The following KCNQ5 variants were observed in gnomAD, a reference collection of about 807,000 sequenced individuals.
KCNQ5 encodes the protein potassium voltage-gated channel subfamily KQT member 5.
A neutral mutation model predicts 98.2 loss-of-function variants in KCNQ5; 30 were observed. The observed-to-expected ratio is 0.31, with a 90% CI of 0.23 to 0.41. The LOEUF (loss-of-function observed/expected upper bound fraction) is 0.41, where lower values mean the gene tolerates loss of function less well. KCNQ5 is among the 10% of genes least tolerant of loss of function. The probability of loss-of-function intolerance (pLI) is 1.00; values close to 1 mark genes in which losing one functional copy is unlikely to be tolerated. For synonymous variants in KCNQ5, 458 were observed against 449.4 expected (o/e 1.02, Z -0.24); for missense variants, 835 against 1,182.5 (o/e 0.71, Z 4.31).
chr6:72,822,624 C>T (rs759358564), intron 1 of KCNQ5, among the ~76,000 whole-genome samples: 1 of 152,076 alleles, frequency 6.6e-6, no homozygotes, highest in Admixed American at 6.6e-5. Context: ...TAAGTTTTAT[C>T]TTCTGTCCAT....
At chr6:73,112,350 GTT>G (rs778086861) in intron 7 of KCNQ5, among the ~76,000 whole-genome samples, 1 of 143,582 alleles carries the variant, frequency 7.0e-6, no homozygotes, top group Non-Finnish European at 1.5e-5. Context: ...TGTTTGTTTT[GTT>G]TTTTTTTTTT....
intron 10 of KCNQ5, chr6:73,157,866 A>G (rs144643972): frequency 6.4e-6 from 5 of 778,692 alleles, no homozygotes; most frequent in Non-Finnish European, 1.2e-5. Flanking sequence ...GGTTTTCGGG[A>G]TCTAAGCGAA....
chr6:72,770,648 A>G (rs1772819809), intron 1 of KCNQ5, among the ~76,000 whole-genome samples: 1 of 152,138 alleles, frequency 6.6e-6, no homozygotes, highest in South Asian at 2.1e-4. Context: ...TTTATTTTCC[A>G]TACTTTTAGA....
chr6:72,817,026 G>A (rs535552849), intron 1 of KCNQ5, among the ~76,000 whole-genome samples: 2 of 152,166 alleles, frequency 1.3e-5, no homozygotes, highest in Non-Finnish European at 2.9e-5. Flanking sequence ...TCCAGGGACT[G>A]CTAGGTTACA....
In KCNQ5 at chr6:72,931,283, G is replaced by A. The variant is rs141777869; in HGVS notation, c.399-72625G>A. 2.7e-3 allele frequency among the ~76,000 whole-genome samples: 407 copies of A among 152,174 alleles called. 4 individuals carry two copies. Among genetic ancestry groups the A allele is most frequent in the East Asian group, 0.02 (105 of 5,182 alleles). ...ATTTGTCTCTCTGAATCTGTAGCATGTTGGCCAATATAGTATGATAATAAA... is the reference window on the plus strand; with the variant it reads ...ATTTGTCTCTCTGAATCTGTAGCATATTGGCCAATATAGTATGATAATAAA... On this transcript the variant is annotated intron_variant, in intron 1 of 13. Transcript: ENST00000370398.
At chr6:73,158,124 G>A (rs1053492488) in intron 10 of KCNQ5, 4 of 411,334 alleles carry the variant, frequency 9.7e-6, no homozygotes, top group African/African-American at 6.2e-5. Flanking sequence ...TCGCCCTCCC[G>A]CTACAGGTTG....
At chr6:73,109,632 A>C (rs1298758869) in intron 6 of KCNQ5, among the ~76,000 whole-genome samples, 2 of 152,224 alleles carry the variant, frequency 1.3e-5, no homozygotes, top group Non-Finnish European at 2.9e-5. Flanking sequence ...CATTTTTATA[A>C]CACCTAAATG....
At chr6:73,107,271 A>T (rs1022915471) in intron 6 of KCNQ5, among the ~76,000 whole-genome samples, 1 of 152,244 alleles carries the variant, frequency 6.6e-6, no homozygotes, top group Non-Finnish European at 1.5e-5. Flanking sequence ...CTGTCCTCAT[A>T]GGAGAGCCAC....
chr6:72,713,543 A>G (rs113572243), intron 1 of KCNQ5, among the ~76,000 whole-genome samples: 2,034 of 152,238 alleles, frequency 0.013, 33 homozygotes, highest in African/African-American at 0.042. Context: ...TGATCTCCTA[A>G]TAGTTCTGGT....
chr6:72,759,130 AC>A (rs1356913127), intron 1 of KCNQ5, among the ~76,000 whole-genome samples: 1 of 152,200 alleles, frequency 6.6e-6, no homozygotes, highest in Non-Finnish European at 1.5e-5. Flanking sequence ...CCTGTCTATC[AC>A]AGAGCAACCA....
chr6:73,182,782 A>G (rs1409246153), intron 11 of KCNQ5, among the ~76,000 whole-genome samples: 1 of 152,182 alleles, frequency 6.6e-6, no homozygotes, highest in Non-Finnish European at 1.5e-5. Context: ...TTTGCTCATG[A>G]TATACGTTGG....
intron 1 of KCNQ5, among the ~76,000 whole-genome samples, chr6:72,943,622 C>T (rs1347677773): frequency 3.3e-5 from 5 of 152,068 alleles, no homozygotes; most frequent in Non-Finnish European, 5.9e-5. Flanking sequence ...ACCTTTTCAG[C>T]GCATTCATTT....
In KCNQ5 at chr6:73,004,051, T is replaced by C. The variant is rs1769711965; in HGVS notation, c.489+53T>C. 3.0e-6 allele frequency: 3 copies of C among 1,005,852 alleles called. No homozygotes were observed. The East Asian group carries it at 7.1e-5, about 24-fold the overall frequency. 62.3% of individuals were successfully genotyped at this position (1,005,852 alleles called of 1,614,324 possible). ...ATGAATGTTGTATAAGAACTGCCTA[T>C]AACATTTATACTATGCATCTTATCC... On this transcript the variant is annotated intron_variant, in intron 2 of 13. Transcript: ENST00000370398.
intron 10 of KCNQ5, among the ~76,000 whole-genome samples, chr6:73,154,341 G>A (rs1359482366): frequency 6.6e-6 from 1 of 152,122 alleles, no homozygotes; most frequent in Admixed American, 6.5e-5. Context: ...ACAATTTGTT[G>A]CTACAGTACC....
At chr6:72,749,109 C>T (rs1433402530) in intron 1 of KCNQ5, among the ~76,000 whole-genome samples, 1 of 152,118 alleles carries the variant, frequency 6.6e-6, no homozygotes, top group East Asian at 1.9e-4. Flanking sequence ...CCTCCTCATA[C>T]TTCTTTTCAC....
chr6:72,641,613 A>T (rs961789616), intron 1 of KCNQ5, among the ~76,000 whole-genome samples: 2 of 152,092 alleles, frequency 1.3e-5, no homozygotes, highest in Admixed American at 6.6e-5. Flanking sequence ...TGTGTGTGAG[A>T]GAGAGAAAAT....
At chr6:72,943,256 A>G (rs1766390218) in intron 1 of KCNQ5, among the ~76,000 whole-genome samples, 2 of 152,158 alleles carry the variant, frequency 1.3e-5, no homozygotes, top group South Asian at 4.1e-4. Flanking sequence ...TATATCCTAA[A>G]CTACAAGCTA....
intron 1 of KCNQ5, among the ~76,000 whole-genome samples, chr6:72,788,952 C>A (rs919719692): frequency 6.6e-6 from 1 of 152,118 alleles, no homozygotes; most frequent in Non-Finnish European, 1.5e-5. Flanking sequence ...TAAAAGTTTT[C>A]GACCCTAGCT....
chr6:72,746,459 A>G (rs993269970), intron 1 of KCNQ5, among the ~76,000 whole-genome samples: 2 of 152,166 alleles, frequency 1.3e-5, no homozygotes, highest in African/African-American at 4.8e-5. Context: ...ACCAGGGTAG[A>G]CAGGCTAGTG....
Sources: allele counts gnomAD v4.1 joint callset (sites outside exome capture counted in the v4.1 genomes callset), GRCh38; gene constraint gnomAD v4.1.1; transcripts MANE v1.5; gene names NCBI Gene and HGNC (gene_info 2026-07-23, HGNC 2026-07-21).